EPHA6: variants seen among roughly 807,000 people sequenced by gnomAD.
EPHA6 encodes EPH receptor A6.
Under a neutral mutation model 112.0 loss-of-function variants are expected in EPHA6, and 50 were observed. That is an observed-to-expected ratio of 0.45 (90% CI 0.36 to 0.56). EPHA6 has a LOEUF of 0.56. Among genes scored for constraint, EPHA6 ranks in the 20% least tolerant of loss-of-function variants. EPHA6 has a pLI of 0.00. For synonymous variants in EPHA6, 529 were observed against 490.7 expected (o/e 1.08, Z -1.03); for missense variants, 1,280 against 1,417.4 (o/e 0.90, Z 1.56).
intron 5 of EPHA6, among the ~76,000 whole-genome samples, chr3:97,245,414 T>C (rs940705943): frequency 4.6e-5 from 7 of 151,990 alleles, no homozygotes; most frequent in Non-Finnish European, 8.8e-5. Flanking sequence ...AATTACTCTT[T>C]AGAGACCCCA....
intron 5 of EPHA6, among the ~76,000 whole-genome samples, chr3:97,394,297 A>G (rs2086581611): frequency 6.6e-6 from 1 of 151,912 alleles, no homozygotes; most frequent in Non-Finnish European, 1.5e-5. Context: ...CATGAATGTA[A>G]AATGTGAAAC....
At chr3:96,832,489 T>C (rs1348928474) in intron 1 of EPHA6, among the ~76,000 whole-genome samples, 3 of 152,088 alleles carry the variant, frequency 2.0e-5, no homozygotes, top group Non-Finnish European at 2.9e-5. Context: ...TGGCCTGAAC[T>C]TCTAACCTTT....
At chr3:96,947,663 A>G (rs1004675170) in intron 2 of EPHA6, among the ~76,000 whole-genome samples, 1 of 152,192 alleles carries the variant, frequency 6.6e-6, no homozygotes, top group African/African-American at 2.4e-5. Context: ...TTCAAAGAGA[A>G]TAAAATACCT....
rs2087645049 is a variant in EPHA6 at position 97,410,503 on chromosome 3, A to G, written c.1731+5229A>G. ...ATCTGTTATTTAGGTACAGAAACAC[A>G]TCTTTGTTCTCTGCCTGTCCCTTTC... On this transcript the variant is annotated intron_variant, in intron 6 of 17. Coordinates refer to ENST00000389672, the MANE Select transcript of EPHA6 (RefSeq NM_001080448.3). Among the ~76,000 whole-genome samples, 3 of 152,080 alleles carry G rather than the reference A, an allele frequency of 2.0e-5. No homozygotes were observed. In the South Asian group the frequency reaches 6.2e-4, roughly 31 times the overall value.
chr3:96,998,254 T>C (rs2043497045), intron 3 of EPHA6, among the ~76,000 whole-genome samples: 2 of 151,924 alleles, frequency 1.3e-5, no homozygotes. Flanking sequence ...ATGGCTCCTT[T>C]TCATGTGAAT....
At chr3:97,269,312 A>G (rs187044029) in intron 5 of EPHA6, among the ~76,000 whole-genome samples, 2 of 151,764 alleles carry the variant, frequency 1.3e-5, no homozygotes, top group Admixed American at 1.3e-4. Flanking sequence ...CCATTGTCCC[A>G]TTTGTCAATT....
chr3:97,325,929 A>G (rs1183113948), intron 5 of EPHA6, among the ~76,000 whole-genome samples: 1 of 152,070 alleles, frequency 6.6e-6, no homozygotes, highest in Non-Finnish European at 1.5e-5. Context: ...AAGGTACTGC[A>G]TGTTACTTAA....
At chr3:97,620,488 G>T (rs1412299944) in intron 13 of EPHA6, among the ~76,000 whole-genome samples, 1 of 152,028 alleles carries the variant, frequency 6.6e-6, no homozygotes, top group Non-Finnish European at 1.5e-5. Context: ...ACAACCTACA[G>T]AATGGGAGAA....
At chr3:97,467,400 T>A (rs1210395294) in intron 7 of EPHA6, among the ~76,000 whole-genome samples, 2 of 151,844 alleles carry the variant, frequency 1.3e-5, no homozygotes, top group East Asian at 3.9e-4. Flanking sequence ...TCCATTTCAT[T>A]ACAAAGCTCT....
At chr3:97,359,590 CTT>C (rs2084262170) in intron 5 of EPHA6, among the ~76,000 whole-genome samples, 1 of 151,410 alleles carries the variant, frequency 6.6e-6, no homozygotes. Context: ...TTGTTTTAAT[CTT>C]TTGAATGAGT....
intron 11 of EPHA6, among the ~76,000 whole-genome samples, chr3:97,547,355 C>T (rs2092966957): frequency 6.6e-6 from 1 of 152,200 alleles, no homozygotes; most frequent in Admixed American, 6.5e-5. Context: ...CCCTGGGTTT[C>T]AGCAGCGGTG....
intron 14 of EPHA6, among the ~76,000 whole-genome samples, chr3:97,686,091 T>C (rs2032229041): frequency 6.6e-6 from 1 of 152,176 alleles, no homozygotes; most frequent in Non-Finnish European, 1.5e-5. Flanking sequence ...ATTCATTATA[T>C]TCATTCATCA....
At chr3:97,642,176 G>A (rs2107577598) in intron 14 of EPHA6, among the ~76,000 whole-genome samples, 1 of 110,586 alleles carries the variant, frequency 9.0e-6, no homozygotes, top group Non-Finnish European at 1.9e-5. Flanking sequence ...CCCAGCAGGG[G>A]CACACTGACA....
At chr3:97,373,210 T>C (rs972076098) in intron 5 of EPHA6, among the ~76,000 whole-genome samples, 7 of 152,290 alleles carry the variant, frequency 4.6e-5, no homozygotes, top group African/African-American at 1.4e-4. Flanking sequence ...TAAAAATGTA[T>C]GTTTTATATG....
intron 2 of EPHA6, among the ~76,000 whole-genome samples, chr3:96,886,717 T>A (rs2037645904): frequency 6.6e-6 from 1 of 152,218 alleles, no homozygotes; most frequent in Non-Finnish European, 1.5e-5. Context: ...GCATTCATGC[T>A]GTTTGCTGTT....
chr3:97,442,679 G>A (rs1020581170), intron 6 of EPHA6, among the ~76,000 whole-genome samples: 1 of 152,146 alleles, frequency 6.6e-6, no homozygotes, highest in Admixed American at 6.6e-5. Flanking sequence ...CCCCTACAGA[G>A]CTTGAGAATC....
chr3:97,218,493 A>C (rs1394626720), intron 3 of EPHA6, among the ~76,000 whole-genome samples: 4 of 152,134 alleles, frequency 2.6e-5, no homozygotes, highest in Non-Finnish European at 1.5e-5. Context: ...AAGGAGAAGT[A>C]CCTAGCAAAG....
chr3:97,555,018 G>A (rs1396233223), intron 11 of EPHA6, among the ~76,000 whole-genome samples: 1 of 151,712 alleles, frequency 6.6e-6, no homozygotes, highest in Non-Finnish European at 1.5e-5. Context: ...CCATGCTGGT[G>A]TGCTGCACCC....
chr3:97,680,953 A>G (rs929438394), intron 14 of EPHA6, among the ~76,000 whole-genome samples: 18 of 152,178 alleles, frequency 1.2e-4, no homozygotes, highest in Admixed American at 4.6e-4. Context: ...ATCACACACA[A>G]GCATAGGAAA....
Sources: allele counts gnomAD v4.1 joint callset (sites outside exome capture counted in the v4.1 genomes callset), GRCh38; gene constraint gnomAD v4.1.1; transcripts MANE v1.5; gene names NCBI Gene and HGNC (gene_info 2026-07-23, HGNC 2026-07-21).